TEKTIP1: variants seen among roughly 807,000 people sequenced by gnomAD.
TEKTIP1 encodes tektin bundle interacting protein 1, also known as tektin bundle-interacting protein 1.
At chr19:3,543,487 CCCCCG>C in the TEKTIP1 span, 3 of 1,519,524 alleles carry the variant, frequency 2.0e-6, no homozygotes, top group Non-Finnish European at 2.6e-6. Flanking sequence ...AGTGCCCCCC[CCCCCG>C]CCCTGGGCAG....
chr19:3,540,704 A>C, the TEKTIP1 span, among the ~76,000 whole-genome samples: 1 of 145,162 alleles, frequency 6.9e-6, no homozygotes, highest in African/African-American at 2.6e-5. Flanking sequence ...ACATGGTGAA[A>C]CCCCGTCTCT....
the TEKTIP1 span, among the ~76,000 whole-genome samples, chr19:3,541,392 A>G: frequency 6.7e-6 from 1 of 149,092 alleles, no homozygotes; most frequent in Non-Finnish European, 1.5e-5. Flanking sequence ...GAATGATCTC[A>G]GCTCACTGCA....
chr19:3,541,626 C>A, the TEKTIP1 span: 2 of 984,272 alleles, frequency 2.0e-6, no homozygotes, highest in South Asian at 4.7e-5. Flanking sequence ...CAGTGCAAGA[C>A]CCTATTTCTA....
At chr19:3,539,249 ACCG>A in the TEKTIP1 span, 25 of 1,548,980 alleles carry the variant, frequency 1.6e-5, no homozygotes, top group East Asian at 5.6e-4. Flanking sequence ...GCTTCCCAGC[ACCG>A]CTGTACAGGT....
chr19:3,543,116 G>T, the TEKTIP1 span: 2 of 1,523,348 alleles, frequency 1.3e-6, no homozygotes, highest in Non-Finnish European at 1.8e-6. Context: ...AGTGGCGAGG[G>T]AGGGAGACCC....
the TEKTIP1 span, chr19:3,543,787 C>T: frequency 4.1e-5 from 61 of 1,493,990 alleles, no homozygotes; most frequent in African/African-American, 5.3e-4. Flanking sequence ...TGGCCAACGG[C>T]GAGGAGGTGG....
the TEKTIP1 span, chr19:3,539,262 TGAG>T: frequency 6.5e-7 from 1 of 1,543,674 alleles, no homozygotes; most frequent in Non-Finnish European, 8.8e-7. Flanking sequence ...GCTGTACAGG[TGAG>T]CCCCTCCCTA....
At chr19:3,539,316 G>C in the TEKTIP1 span, 5 of 1,051,394 alleles carry the variant, frequency 4.8e-6, no homozygotes, top group South Asian at 3.3e-5. Flanking sequence ...TCCCTCCCTG[G>C]GTGTCAGGTT....
At chr19:3,543,160 C>G in the TEKTIP1 span, 2 of 1,517,192 alleles carry the variant, frequency 1.3e-6, no homozygotes, top group Non-Finnish European at 1.8e-6. Flanking sequence ...ATCATCCACC[C>G]TGGCAGACAT....
chr19:3,543,487 C>G, the TEKTIP1 span: 263 of 1,519,526 alleles, frequency 1.7e-4, no homozygotes, highest in Admixed American at 5.0e-3. Flanking sequence ...AGTGCCCCCC[C>G]CCCCGCCCTG....
chr19:3,539,447 C>A, the TEKTIP1 span: 1 of 580,300 alleles, frequency 1.7e-6, no homozygotes, highest in Non-Finnish European at 3.1e-6. Flanking sequence ...ACTGTGGGGG[C>A]TACAGACCTG....
At chr19:3,543,495 C>G in the TEKTIP1 span, 11 of 1,521,482 alleles carry the variant, frequency 7.2e-6, no homozygotes, top group Non-Finnish European at 9.7e-6. Context: ...CCCCCCCGCC[C>G]TGGGCAGCGG....
At chr19:3,543,682 T>C in the TEKTIP1 span, 39 of 1,532,358 alleles carry the variant, frequency 2.5e-5, no homozygotes, top group Non-Finnish European at 3.2e-5. Flanking sequence ...AGGAATACGG[T>C]GAGGCTAGGT....
the TEKTIP1 span, chr19:3,540,017 T>G: frequency 2.0e-5 from 3 of 151,184 alleles, no homozygotes; most frequent in Non-Finnish European, 4.4e-5. Context: ...TTTGGAAGGC[T>G]AAGACAGGAG....
the TEKTIP1 span, chr19:3,542,674 G>A: frequency 8.5e-7 from 1 of 1,182,756 alleles, no homozygotes; most frequent in South Asian, 1.5e-5. Context: ...GTAGAGATGG[G>A]GTTTTACCAT....
At chr19:3,542,447 G>A in the TEKTIP1 span, 1 of 985,346 alleles carries the variant, frequency 1.0e-6, no homozygotes, top group Non-Finnish European at 1.2e-6. Flanking sequence ...CCAAGAGCAA[G>A]GTCAAAGCAT....
At chr19:3,543,218 C>T in the TEKTIP1 span, 4 of 1,539,088 alleles carry the variant, frequency 2.6e-6, no homozygotes, top group African/African-American at 2.7e-5. Context: ...CAGTCTCTGC[C>T]CCCTGCCCAC....
the TEKTIP1 span, chr19:3,543,387 T>C: frequency 6.5e-7 from 1 of 1,549,018 alleles, no homozygotes; most frequent in Non-Finnish European, 8.7e-7. Flanking sequence ...TGGTACAACC[T>C]GCCACGGGCC....
At chr19:3,543,146 C>T in the TEKTIP1 span, 2 of 1,513,238 alleles carry the variant, frequency 1.3e-6, no homozygotes, top group Admixed American at 2.0e-5. Context: ...GGCCAGGCCT[C>T]TACATCATCC....
Sources: gnomAD v4.1 joint callset for allele counts (sites outside exome capture counted in the v4.1 genomes callset) on GRCh38, gnomAD v4.1.1 for gene constraint, MANE v1.5 for transcripts, NCBI Gene and HGNC (gene_info 2026-07-23, HGNC 2026-07-21) for gene names.